TGM2: variants seen among roughly 807,000 people sequenced by gnomAD.
TGM2 encodes transglutaminase 2.
In TGM2, 53 loss-of-function variants were observed where a neutral mutation model predicts 75.6. The ratio of observed to expected loss-of-function variants is 0.70; its 90% CI spans 0.56 to 0.88. The LOEUF (loss-of-function observed/expected upper bound fraction) is 0.88. Among genes scored for constraint, TGM2 ranks in the 40% least tolerant of loss-of-function variants. TGM2 has a pLI of 0.00. For synonymous variants in TGM2, 374 were observed against 381.1 expected (o/e 0.98, Z 0.22); for missense variants, 842 against 928.5 (o/e 0.91, Z 1.21).
chr20:38,146,837 C>A lies in TGM2; in HGVS notation c.739G>T (p.Asp247Tyr). The change falls in exon 6 of 13, where the codon GAC (aspartate) becomes TAC (tyrosine). Residue 247 changes from aspartate to tyrosine, a missense_variant. By Grantham distance (160) the Asp-to-Tyr change is radical (BLOSUM62 -3). Coordinates refer to ENST00000361475, the MANE Select transcript of TGM2 (RefSeq NM_004613.4). ...LLGRWDNNYG[D>Y]GVSPMSWIGS... ...ATCCAGGACATGGGGCTGACGCCGTCCCCGTAGTTGTTGTCCCAGCGTCCC... is the reference window on the plus strand; with the variant it reads ...ATCCAGGACATGGGGCTGACGCCGTACCCGTAGTTGTTGTCCCAGCGTCCC... The A allele has an allele frequency of 6.2e-7, 1 of 1,614,112 alleles. No homozygotes were observed. Among genetic ancestry groups the A allele is most frequent in the Non-Finnish European group, 8.5e-7 (1 of 1,180,040 alleles).
intron 5 of TGM2, 66 bp downstream of exon 5, chr20:38,147,895 C>A (rs561893270): frequency 3.2e-6 from 5 of 1,565,156 alleles, no homozygotes; most frequent in African/African-American, 1.4e-5. Flanking sequence ...GTCTCCACTG[C>A]GAGGGAGAGG....
intron 6 of TGM2, among the ~76,000 whole-genome samples, chr20:38,144,224 C>T (rs1324823801): frequency 6.6e-6 from 1 of 152,230 alleles, no homozygotes. Flanking sequence ...GAGACTGACC[C>T]TGCTGCTCAC....
chr20:38,141,347 G>A lies in TGM2; in HGVS notation c.1034C>T (p.Pro345Leu), dbSNP rs374172551. Residue 345 changes from proline to leucine, a missense_variant, in exon 8 of 13, where the codon CCG becomes CTG. Coordinates refer to ENST00000361475, the MANE Select transcript of TGM2 (RefSeq NM_004613.4). ...HCWVESWMTRPDLQPGYEGWQ... is the reference protein window; with the variant it reads ...HCWVESWMTRLDLQPGYEGWQ... ...GCCCTCGTACCCCGGCTGCAGGTCC[G>A]GCCTGGTCATCCACGACTCCACCCA... is the stretch of plus-strand genomic sequence containing the variant. The A allele has an allele frequency of 4.0e-5, 63 of 1,590,592 alleles. No individual in the cohort carries two copies. Among genetic ancestry groups the A allele is most frequent in the East Asian group, 3.9e-4 (17 of 43,932 alleles).
chr20:38,147,836 T>C, intron 5 of TGM2, 125 bp downstream of exon 5: 1 of 1,398,410 alleles, frequency 7.2e-7, no homozygotes, highest in Non-Finnish European at 9.8e-7. Flanking sequence ...ATAAGGTCTT[T>C]TCCCCAAGAC....
intron 10 of TGM2, among the ~76,000 whole-genome samples, chr20:38,134,964 G>A (rs17196927): frequency 0.15 from 23,247 of 152,224 alleles, 1,883 homozygotes; most frequent in East Asian, 0.28. Context: ...TTTCCAGCCA[G>A]AGGCCAATGC....
intron 12 of TGM2, 39 bp downstream of exon 12, chr20:38,131,054 C>A: frequency 6.2e-7 from 1 of 1,608,702 alleles, no homozygotes. Flanking sequence ...CATCTGCCCG[C>A]TTCCCCCAGG....
intron 2 of TGM2, among the ~76,000 whole-genome samples, chr20:38,160,376 C>T (rs1256371167): frequency 2.0e-5 from 3 of 152,204 alleles, no homozygotes; most frequent in Admixed American, 2.0e-4. Flanking sequence ...TTGCGCATCA[C>T]GCATCTGGGG....
chr20:38,165,499 A>C, upstream of TGM2: 1 of 520,098 alleles, frequency 1.9e-6, no homozygotes, highest in South Asian at 2.2e-5. Context: ...GGATACAGAC[A>C]CACCTGGACC....
At chr20:38,132,783 C>G (rs1412921987) in intron 10 of TGM2, 3 of 528,942 alleles carry the variant, frequency 5.7e-6, no homozygotes, top group South Asian at 3.1e-5. Context: ...GTGAGCCACT[C>G]CACCTCCCAG....
chr20:38,134,653 G>A (rs17196913), intron 10 of TGM2, among the ~76,000 whole-genome samples: 14 of 152,080 alleles, frequency 9.2e-5, no homozygotes, highest in Admixed American at 1.3e-4. Flanking sequence ...AGTCACCGAG[G>A]CCACATTGGC....
At chr20:38,153,285 G>A (rs1311065610) in intron 3 of TGM2, among the ~76,000 whole-genome samples, 3 of 152,140 alleles carry the variant, frequency 2.0e-5, no homozygotes, top group Non-Finnish European at 4.4e-5. Context: ...AGCACTTTGG[G>A]AGGCCGAGGT....
chr20:38,132,325 C>T lies in TGM2; in HGVS notation c.1776+15G>A, dbSNP rs2074844318. ...GCTGCCCTGGGACCCTGCCCCTTGC[C>T]CAGCCTGCCCTTACCCGGATCTTGA... On this transcript the variant is annotated intron_variant, in intron 11 of 12. Transcript: ENST00000361475. 1 of 1,614,040 alleles carries T rather than the reference C, an allele frequency of 6.2e-7. No homozygotes were observed. Among genetic ancestry groups the T allele is most frequent in the South Asian group, 1.1e-5 (1 of 91,074 alleles).
intron 6 of TGM2, chr20:38,146,436 T>C: frequency 1.9e-6 from 1 of 531,800 alleles, no homozygotes; most frequent in East Asian, 3.4e-5. Context: ...TAACTCAAGT[T>C]AAAAATCCTG....
chr20:38,139,043 T>A (rs577505528), intron 9 of TGM2, among the ~76,000 whole-genome samples: 156 of 152,360 alleles, frequency 1.0e-3, no homozygotes, highest in African/African-American at 2.4e-3. Context: ...GCAGGAACTA[T>A]GGTTTCTTAG....
chr20:38,149,170 G>A (rs559168326), intron 4 of TGM2, among the ~76,000 whole-genome samples: 31 of 152,180 alleles, frequency 2.0e-4, no homozygotes, highest in African/African-American at 7.2e-4. Context: ...AGTTCCCTTG[G>A]CCTAGTATGT....
intron 10 of TGM2, among the ~76,000 whole-genome samples, chr20:38,135,404 T>TATACAC (rs372908603): frequency 6.8e-6 from 1 of 147,314 alleles, no homozygotes; most frequent in Non-Finnish European, 1.5e-5. Context: ...CCTAAATGTA[T>TATACAC]ACACACACAC....
At chr20:38,160,037 G>T (rs1397527414) in intron 2 of TGM2, among the ~76,000 whole-genome samples, 1 of 152,250 alleles carries the variant, frequency 6.6e-6, no homozygotes, top group East Asian at 1.9e-4. Flanking sequence ...TTGGGGGCCA[G>T]TGTGCTTGTG....
At position 38,155,841 on chromosome 20, in the gene TGM2, G is replaced by A. The variant is rs1348060394; in HGVS notation, c.433+6C>T. The stretch of plus-strand genomic sequence containing the variant: ...CAACGCTGTGAGTGGATGGCGTGTG[G>A]CTCACCTGGGCACCAGGCGTTGAAG... On this transcript the variant is annotated splice_donor_region_variant and intron_variant, in intron 3 of 12. Coordinates refer to ENST00000361475, the MANE Select transcript of TGM2 (RefSeq NM_004613.4). The A allele has an allele frequency of 6.3e-7, 1 of 1,594,924 alleles. No homozygotes were observed. Among genetic ancestry groups the A allele is most frequent in the South Asian group, 1.1e-5 (1 of 87,680 alleles).
At chr20:38,141,436 C>A (rs781511243) in intron 7 of TGM2, 51 bp from the exon 8 acceptor site, 1 of 1,358,204 alleles carries the variant, frequency 7.4e-7, no homozygotes, top group African/African-American at 1.4e-5. Flanking sequence ...CAACATTCAT[C>A]GCCACCTCCC....
Sources: gnomAD v4.1 joint callset for allele counts (sites outside exome capture counted in the v4.1 genomes callset) on GRCh38, gnomAD v4.1.1 for gene constraint, MANE v1.5 for transcripts, NCBI Gene and HGNC (gene_info 2026-07-23, HGNC 2026-07-21) for gene names.